The following EHD4 variants were observed in gnomAD, a reference collection of about 807,000 sequenced individuals.
EHD4 encodes EH domain containing 4, also known as EH domain-containing protein 4.
In EHD4, 37 loss-of-function variants were observed where a neutral mutation model predicts 51.0. The observed-to-expected ratio is 0.73, with a 90% CI of 0.56 to 0.95. EHD4 has a LOEUF of 0.95. Ranked by LOEUF, EHD4 falls within the 40% of genes least tolerant of loss-of-function variation. The pLI is 0.00. For missense variants in EHD4, 632 were observed against 733.1 expected (o/e 0.86, Z 1.59); for synonymous variants, 297 against 317.3 (o/e 0.94, Z 0.68).
intron 1 of EHD4, among the ~76,000 whole-genome samples, chr15:41,961,065 T>C (rs1388457514): frequency 1.3e-5 from 2 of 152,248 alleles, no homozygotes; most frequent in Admixed American, 6.5e-5. Context: ...TTTGTTCAGA[T>C]GATGTCACCT....
At chr15:41,920,006 A>G (rs2067614367) in intron 3 of EHD4, among the ~76,000 whole-genome samples, 3 of 152,202 alleles carry the variant, frequency 2.0e-5, no homozygotes, top group Admixed American at 2.0e-4. Flanking sequence ...TTACTTCTGA[A>G]AAGTCTCACT....
At chr15:41,955,396 G>C (rs1566826676) in intron 1 of EHD4, among the ~76,000 whole-genome samples, 2 of 152,252 alleles carry the variant, frequency 1.3e-5, no homozygotes, top group East Asian at 3.9e-4. Context: ...GGTTTGCTCA[G>C]GGGTGAAGAG....
chr15:41,929,630 G>C (rs2067685551), intron 3 of EHD4, among the ~76,000 whole-genome samples: 1 of 152,116 alleles, frequency 6.6e-6, no homozygotes, highest in Non-Finnish European at 1.5e-5. Context: ...TTGCTGGAGA[G>C]GGAAGTTGGT....
In EHD4 at chr15:41,915,596, C is replaced by A. The variant is rs117056212; in HGVS notation, c.924+3614G>T. 1.6e-4 allele frequency among the ~76,000 whole-genome samples: 24 copies of A among 152,298 alleles called. No homozygotes were observed. The East Asian group carries it at 4.4e-3, about 28-fold the overall frequency. ...CAGCCTTTCCTATTCTTGGGCAATA[C>A]GCTTCTAAAGGGTGGGGTCTGATAG... On this transcript the variant is annotated intron_variant, in intron 4 of 5. Transcript: ENST00000220325.
At chr15:41,906,530 C>G (rs950471773) in intron 5 of EHD4, among the ~76,000 whole-genome samples, 32 of 152,196 alleles carry the variant, frequency 2.1e-4, no homozygotes, top group Non-Finnish European at 2.8e-4. Context: ...ACGCAGGTAC[C>G]CAGAAAGGCT....
intron 1 of EHD4, among the ~76,000 whole-genome samples, chr15:41,963,188 C>T (rs1308250360): frequency 6.6e-6 from 1 of 152,030 alleles, no homozygotes; most frequent in African/African-American, 2.4e-5. Context: ...CTAGGAAAAC[C>T]AGAGACCCTT....
intron 5 of EHD4, among the ~76,000 whole-genome samples, chr15:41,906,122 T>C (rs2067510435): frequency 6.6e-6 from 1 of 152,214 alleles, no homozygotes; most frequent in Non-Finnish European, 1.5e-5. Flanking sequence ...CAGGCCAAGC[T>C]ACAAGTCAAA....
chr15:41,966,299 G>A (rs959389884), intron 1 of EHD4, among the ~76,000 whole-genome samples: 1 of 152,084 alleles, frequency 6.6e-6, no homozygotes, highest in Non-Finnish European at 1.5e-5. Context: ...CTAATCTACT[G>A]GTTCTGTTTC....
intron 2 of EHD4, among the ~76,000 whole-genome samples, chr15:41,949,295 G>A (rs1043599966): frequency 2.0e-5 from 3 of 151,444 alleles, no homozygotes; most frequent in East Asian, 1.9e-4. Context: ...ACTTCAACCC[G>A]GGAGGCAGAG....
chr15:41,906,254 C>T (rs781478534), intron 5 of EHD4, among the ~76,000 whole-genome samples: 2 of 152,196 alleles, frequency 1.3e-5, no homozygotes, highest in African/African-American at 2.4e-5. Flanking sequence ...GTTATGTCCA[C>T]CTTTGACTGG....
rs888408229 is a variant in EHD4 at position 41,898,271 on chromosome 15, C to T, written c.*2374G>A. 1 of 152,174 alleles carries T rather than the reference C, an allele frequency of 6.6e-6. No homozygotes were observed. The highest frequency in any genetic ancestry group is 2.4e-5 in the African/African-American group (1 of 41,436). 9.4% of individuals were successfully genotyped at this position (152,174 alleles called of 1,614,324 possible). On this transcript the variant is annotated 3_prime_UTR_variant, in exon 6 of 6. Coordinates refer to ENST00000220325, the MANE Select transcript of EHD4 (RefSeq NM_139265.4). Reference sequence around the variant, plus strand: ...ACAGTGCCTGAGAGGTTTTCCTCCACGGAGAAATCAGAGACCTCAACCTGC... The same window carrying T: ...ACAGTGCCTGAGAGGTTTTCCTCCATGGAGAAATCAGAGACCTCAACCTGC...
chr15:41,954,747 C>T (rs1323686562), intron 1 of EHD4, among the ~76,000 whole-genome samples: 1 of 152,160 alleles, frequency 6.6e-6, no homozygotes, highest in Non-Finnish European at 1.5e-5. Flanking sequence ...CAACAATCCT[C>T]CTGCCTCAGC....
intron 1 of EHD4, among the ~76,000 whole-genome samples, chr15:41,958,337 C>T (rs889189473): frequency 2.0e-5 from 3 of 152,072 alleles, no homozygotes; most frequent in African/African-American, 4.8e-5. Flanking sequence ...AGCAGCTGGG[C>T]GGAAGGGATG....
chr15:41,948,863 TA>T (rs1173229041), intron 2 of EHD4, among the ~76,000 whole-genome samples: 12 of 151,416 alleles, frequency 7.9e-5, no homozygotes, highest in African/African-American at 2.9e-4. Flanking sequence ...ACCCTGTCTT[TA>T]CAAAAAATAC....
intron 3 of EHD4, among the ~76,000 whole-genome samples, chr15:41,934,311 T>A (rs1303222649): frequency 8.7e-5 from 4 of 45,886 alleles, no homozygotes; most frequent in Non-Finnish European, 3.0e-4. Context: ...GCCAGGAAGT[T>A]TTTTTTTTTT....
At position 41,899,776 on chromosome 15, in the gene EHD4, T is replaced by C. The variant is rs1412088224; in HGVS notation, c.*869A>G. On this transcript the variant is annotated 3_prime_UTR_variant, in exon 6 of 6. Coordinates refer to ENST00000220325, the MANE Select transcript of EHD4 (RefSeq NM_139265.4). ...GCAGAGAACCACCTCTTTTCTTTAC[T>C]GTAGTTTAAGTATGATAAGTGGGCT... 1 of 152,224 alleles carries C rather than the reference T, an allele frequency of 6.6e-6. No homozygotes were observed. Among genetic ancestry groups the C allele is most frequent in the African/African-American group, 2.4e-5 (1 of 41,460 alleles). 9.4% of individuals were successfully genotyped at this position (152,224 alleles called of 1,614,324 possible).
At chr15:41,909,629 G>T in intron 5 of EHD4, 70 bp downstream of exon 5, 1 of 1,571,694 alleles carries the variant, frequency 6.4e-7, no homozygotes. Context: ...TTTGTCTCCA[G>T]CAAACAGCCA....
intron 4 of EHD4, among the ~76,000 whole-genome samples, chr15:41,915,824 G>A (rs1440609238): frequency 6.6e-6 from 1 of 152,092 alleles, no homozygotes; most frequent in Non-Finnish European, 1.5e-5. Context: ...TACTGAGATT[G>A]TAAGAAGTGA....
At chr15:41,923,136 C>T (rs1405697383) in intron 3 of EHD4, among the ~76,000 whole-genome samples, 1 of 152,172 alleles carries the variant, frequency 6.6e-6, no homozygotes, top group Admixed American at 6.5e-5. Flanking sequence ...AAACTCTGAA[C>T]CCATTAAGCA....
Sources: allele counts gnomAD v4.1 joint callset (sites outside exome capture counted in the v4.1 genomes callset), GRCh38; gene constraint gnomAD v4.1.1; transcripts MANE v1.5; gene names NCBI Gene and HGNC (gene_info 2026-07-23, HGNC 2026-07-21).